The following COX10 variants were observed in gnomAD, a reference collection of about 807,000 sequenced individuals.
COX10 encodes protoheme IX farnesyltransferase, mitochondrial.
COX10 carries 27 observed loss-of-function variants against 37.3 expected under a neutral mutation model. The ratio of observed to expected loss-of-function variants is 0.72; its 90% CI spans 0.53 to 1.00. The LOEUF (loss-of-function observed/expected upper bound fraction) is 1.00. COX10 is among the 50% of genes least tolerant of loss of function. The probability of loss-of-function intolerance (pLI) is 0.00; values close to 1 mark genes in which losing one functional copy is unlikely to be tolerated. For synonymous variants in COX10, 222 were observed against 229.1 expected (o/e 0.97, Z 0.28); for missense variants, 475 against 563.2 (o/e 0.84, Z 1.59).
Position 14,201,474 on chromosome 17 carries a change from A to G in COX10, c.929-5336A>G, listed in dbSNP as rs192849229. ...CAGAAAACAGCATGCTACTCTCAGGAAAATGATTTCTTTAATTATGTTTAT... is the reference window on the plus strand; with the variant it reads ...CAGAAAACAGCATGCTACTCTCAGGGAAATGATTTCTTTAATTATGTTTAT... On this transcript the variant is annotated intron_variant, in intron 6 of 6. Transcript: ENST00000261643. Among the ~76,000 whole-genome samples the G allele has an allele frequency of 5.3e-5, 8 of 152,336 alleles. No individual in the cohort carries two copies. The East Asian group carries it at 1.5e-3, about 29-fold the overall frequency.
intron 4 of COX10, among the ~76,000 whole-genome samples, chr17:14,116,529 A>G (rs1404126436): frequency 1.3e-5 from 2 of 152,158 alleles, no homozygotes; most frequent in African/African-American, 2.4e-5. Flanking sequence ...CTTCCATCTC[A>G]GCTACTGTCA....
At chr17:14,100,613 A>G (rs11650341) in intron 3 of COX10, among the ~76,000 whole-genome samples, 16,790 of 152,240 alleles carry the variant, frequency 0.11, 1,217 homozygotes, top group Middle Eastern at 0.18. Flanking sequence ...CTCAAAGAAT[A>G]GAAGAAGTCT....
At chr17:14,088,111 G>C (rs1915452458) in intron 3 of COX10, among the ~76,000 whole-genome samples, 1 of 152,122 alleles carries the variant, frequency 6.6e-6, no homozygotes, top group African/African-American at 2.4e-5. Context: ...TCCTTACCAG[G>C]AAGGAATAAT....
At chr17:14,133,887 A>G (rs894764945) in intron 4 of COX10, among the ~76,000 whole-genome samples, 1 of 151,708 alleles carries the variant, frequency 6.6e-6, no homozygotes, top group Non-Finnish European at 1.5e-5. Flanking sequence ...TTTATAGGGC[A>G]TAAGTGAGAT....
chr17:14,082,027 C>G (rs944290536), intron 3 of COX10, among the ~76,000 whole-genome samples: 1 of 152,172 alleles, frequency 6.6e-6, no homozygotes, highest in Non-Finnish European at 1.5e-5. Context: ...AAGGCAAGAG[C>G]TCAGAGAGAA....
chr17:14,111,204 C>A (rs1262000141), intron 4 of COX10, among the ~76,000 whole-genome samples: 1 of 152,088 alleles, frequency 6.6e-6, no homozygotes, highest in Non-Finnish European at 1.5e-5. Context: ...CCACCCATTT[C>A]TGTCTTATCA....
intron 4 of COX10, among the ~76,000 whole-genome samples, chr17:14,157,504 G>T (rs115817496): frequency 6.6e-6 from 1 of 152,154 alleles, no homozygotes; most frequent in Non-Finnish European, 1.5e-5. Context: ...GATGTTTGTC[G>T]TATAGAATGA....
intron 5 of COX10, among the ~76,000 whole-genome samples, chr17:14,187,621 T>C (rs1342311413): frequency 6.6e-6 from 1 of 152,208 alleles, no homozygotes; most frequent in African/African-American, 2.4e-5. Context: ...GAATTGCCAG[T>C]TTTCTGAATT....
intron 4 of COX10, among the ~76,000 whole-genome samples, chr17:14,149,334 G>T (rs1457309731): frequency 6.6e-6 from 1 of 152,094 alleles, no homozygotes; most frequent in East Asian, 1.9e-4. Flanking sequence ...TAGGTATGAT[G>T]TATATGAAAT....
At chr17:14,105,119 G>A (rs902068971) in intron 4 of COX10, among the ~76,000 whole-genome samples, 2 of 152,102 alleles carry the variant, frequency 1.3e-5, no homozygotes, top group African/African-American at 4.8e-5. Flanking sequence ...TTGAGGATTT[G>A]ACATAATAGT....
At chr17:14,140,968 A>C (rs773189704) in intron 4 of COX10, among the ~76,000 whole-genome samples, 99 of 152,316 alleles carry the variant, frequency 6.5e-4, no homozygotes, top group Non-Finnish European at 1.0e-3. Flanking sequence ...ATTTTGAAAA[A>C]TTATATTGGT....
chr17:14,169,757 T>C (rs1905402634), intron 5 of COX10, among the ~76,000 whole-genome samples: 1 of 152,218 alleles, frequency 6.6e-6, no homozygotes, highest in Non-Finnish European at 1.5e-5. Context: ...GGGACTTACA[T>C]TGAAGGGTGA....
intron 5 of COX10, among the ~76,000 whole-genome samples, chr17:14,173,355 A>G (rs899301615): frequency 5.2e-5 from 8 of 152,382 alleles, no homozygotes; most frequent in African/African-American, 1.9e-4. Flanking sequence ...AGGCAATGAG[A>G]AGGCCATTCG....
At chr17:14,204,754 T>C (rs1906644013) in intron 6 of COX10, among the ~76,000 whole-genome samples, 1 of 145,934 alleles carries the variant, frequency 6.9e-6, no homozygotes, top group South Asian at 2.3e-4. Flanking sequence ...CAGGCACACA[T>C]GCTCAGCACT....
intron 5 of COX10, among the ~76,000 whole-genome samples, chr17:14,190,317 G>T (rs755699825): frequency 6.6e-6 from 1 of 152,206 alleles, no homozygotes; most frequent in Non-Finnish European, 1.5e-5. Flanking sequence ...GCAGATCCAG[G>T]GTGGGAATGT....
intron 4 of COX10, among the ~76,000 whole-genome samples, chr17:14,146,812 T>C (rs1419452187): frequency 2.6e-5 from 4 of 152,056 alleles, no homozygotes; most frequent in Non-Finnish European, 4.4e-5. Context: ...AATCTAATAA[T>C]CTGATTTTTA....
At chr17:14,182,114 A>G in intron 5 of COX10, 1 of 983,526 alleles carries the variant, frequency 1.0e-6, no homozygotes, top group Non-Finnish European at 1.2e-6. Flanking sequence ...TTCTTCCTTG[A>G]AAAAAATTAT....
At chr17:14,091,574 A>G (rs1018848529) in intron 3 of COX10, among the ~76,000 whole-genome samples, 3 of 152,212 alleles carry the variant, frequency 2.0e-5, no homozygotes, top group African/African-American at 7.2e-5. Context: ...GTATGCAGTT[A>G]GGTCCAGATG....
rs376434284 is a variant in COX10 at position 14,076,111 on chromosome 17, C to CTTTTT, written c.178-608_178-604dup. ...CAGGTTGACTTGGGCTCTTTTTTGT[C>CTTTTT]TTTTTTTTTTTTTTTTTTTTGTGAG... On this transcript the variant is annotated intron_variant, in intron 2 of 6. Transcript: ENST00000261643. Among the ~76,000 whole-genome samples the CTTTTT allele has an allele frequency of 4.5e-3, 460 of 103,190 alleles. 6 individuals carry two copies. The highest frequency in any genetic ancestry group is 5.2e-3 in the African/African-American group (138 of 26,460). 67.7% of individuals were successfully genotyped at this position (103,190 alleles called of 152,430 possible).
Sources: gnomAD v4.1 joint callset for allele counts (sites outside exome capture counted in the v4.1 genomes callset) on GRCh38, gnomAD v4.1.1 for gene constraint, MANE v1.5 for transcripts, NCBI Gene and HGNC (gene_info 2026-07-23, HGNC 2026-07-21) for gene names.